ABLIM2: variants seen among roughly 807,000 people sequenced by gnomAD.
The protein encoded by ABLIM2 is actin binding LIM protein family member 2, also known as actin-binding LIM protein 2.
ABLIM2 carries 53 observed loss-of-function variants against 97.7 expected under a neutral mutation model. That is an observed-to-expected ratio of 0.54 (90% CI 0.44 to 0.68). The LOEUF (loss-of-function observed/expected upper bound fraction) is 0.68. Among genes scored for constraint, ABLIM2 ranks in the 30% least tolerant of loss-of-function variants. ABLIM2 has a pLI of 0.00. For missense variants in ABLIM2, 835 were observed against 867.2 expected, an observed-to-expected ratio of 0.96 and a Z score of 0.47; for synonymous variants, 361 against 345.8, an observed-to-expected ratio of 1.04 and a Z score of -0.49.
chr4:8,105,724 T>C (rs571168593), intron 2 of ABLIM2, among the ~76,000 whole-genome samples: 68 of 152,232 alleles, frequency 4.5e-4, no homozygotes, highest in Admixed American at 1.1e-3. Flanking sequence ...GTGTCCTTAA[T>C]GTGATTCCTT....
intron 2 of ABLIM2, among the ~76,000 whole-genome samples, chr4:8,101,640 T>G (rs1834696794): frequency 6.6e-6 from 1 of 152,174 alleles, no homozygotes; most frequent in Non-Finnish European, 1.5e-5. Context: ...CTGCCTGTTT[T>G]CTTGGCTCTT....
chr4:8,033,539 G>A lies in ABLIM2; in HGVS notation c.1047+2610C>T, dbSNP rs1427134435. The stretch of plus-strand genomic sequence containing the variant: ...CCCAGGAGCCCAGCCCTGTCCACCT[G>A]CCGAGGCAGGCCCCATGGGGTCGCA... On this transcript the variant is annotated intron_variant, in intron 10 of 20. Transcript: ENST00000447017. The surrounding 1 kb of genome is among the most constrained non-coding windows in gnomAD (Gnocchi z 4.5). 6.6e-6 allele frequency among the ~76,000 whole-genome samples: 1 copy of A among 152,198 alleles called. No homozygotes were observed.
intron 9 of ABLIM2, among the ~76,000 whole-genome samples, chr4:8,042,812 C>T (rs1444781332): frequency 1.4e-5 from 2 of 140,806 alleles, no homozygotes; most frequent in African/African-American, 2.7e-5. Context: ...GCACTCCAGC[C>T]TGGGCAACAA....
Position 8,127,809 on chromosome 4 carries a change from T to C in ABLIM2, c.11-21172A>G, listed in dbSNP as rs1578400388. ...ACTATGCGCCAGAGACACACCTGTCTCCCAGGCATCCGGGAAAGGGGCTCT... is the reference window on the plus strand; with the variant it reads ...ACTATGCGCCAGAGACACACCTGTCCCCCAGGCATCCGGGAAAGGGGCTCT... On this transcript the variant is annotated intron_variant, in intron 1 of 20. Transcript: ENST00000447017. The surrounding 1 kb of genome is among the most constrained non-coding windows in gnomAD (Gnocchi z 7.3). 2.8e-6 allele frequency: 2 copies of C among 716,254 alleles called. No individual in the cohort carries two copies. Among genetic ancestry groups the C allele is most frequent in the Non-Finnish European group, 3.3e-6 (2 of 597,312 alleles). 44.4% of individuals were successfully genotyped at this position (716,254 alleles called of 1,614,324 possible).
At chr4:8,089,735 A>C (rs1345375582) in intron 3 of ABLIM2, among the ~76,000 whole-genome samples, 1 of 48,654 alleles carries the variant, frequency 2.1e-5, no homozygotes, top group African/African-American at 1.4e-4. Context: ...TTCATATCAA[A>C]AAAAAAAAAA....
In ABLIM2 at chr4:8,072,078, G is replaced by A. The variant is rs1812600872; in HGVS notation, c.675+5550C>T. The A allele has an allele frequency of 1.1e-5, 11 of 985,102 alleles. No individual in the cohort carries two copies. Among genetic ancestry groups the A allele is most frequent in the African/African-American group, 3.5e-5 (2 of 57,228 alleles). The allele number at this position is 985,102 out of a possible 1,614,324, so 61.0% of individuals were successfully genotyped here. On this transcript the variant is annotated intron_variant, in intron 6 of 20. Transcript: ENST00000447017. The surrounding 1 kb of genome is among the most constrained non-coding windows in gnomAD (Gnocchi z 5.8). ...CAGAGCCCGCCGACTCAGCCACGCC[G>A]CCACAGACTCGCCTCCCCGGCAGAG... is the stretch of plus-strand genomic sequence containing the variant.
At chr4:7,977,922 C>T (rs959770382) in intron 20 of ABLIM2, among the ~76,000 whole-genome samples, 2 of 152,024 alleles carry the variant, frequency 1.3e-5, no homozygotes, top group Non-Finnish European at 2.9e-5. Context: ...ACAGTATGAG[C>T]CCTCTTGATC....
At chr4:8,008,404 G>A (rs368977131) in intron 15 of ABLIM2, among the ~76,000 whole-genome samples, 1 of 152,220 alleles carries the variant, frequency 6.6e-6, no homozygotes. Flanking sequence ...GGTACATGGA[G>A]CATCTGGGGG....
At chr4:7,980,941 A>ATTTTTTTTTTTTTTTTTCTTTT (rs1737720325) in intron 20 of ABLIM2, among the ~76,000 whole-genome samples, 1 of 82,988 alleles carries the variant, frequency 1.2e-5, no homozygotes, top group African/African-American at 5.5e-5. Flanking sequence ...ACAACCCCTT[A>ATTTTTTTTTTTTTTTTTCTTTT]TTTTTTTTTT....
chr4:8,152,804 G>A (rs1713506266), intron 1 of ABLIM2, among the ~76,000 whole-genome samples: 2 of 152,206 alleles, frequency 1.3e-5, no homozygotes, highest in Non-Finnish European at 2.9e-5. Flanking sequence ...GCCAGGCAGA[G>A]ACTGGTCAGC....
chr4:7,967,287 G>T (rs958350188), intron 20 of ABLIM2, among the ~76,000 whole-genome samples, 184 bp from the exon 21 acceptor site: 2 of 152,178 alleles, frequency 1.3e-5, no homozygotes, highest in African/African-American at 4.8e-5. Context: ...TGAGCTCAGA[G>T]GACAGCGACC....
rs564976113 is a variant in ABLIM2 at position 8,023,655 on chromosome 4, T to C, written c.1268-3352A>G. Among the ~76,000 whole-genome samples, 199 of 152,354 alleles carry C rather than the reference T, an allele frequency of 1.3e-3. No homozygotes were observed. Among genetic ancestry groups the C allele is most frequent in the African/African-American group, 4.1e-3 (172 of 41,584 alleles). On this transcript the variant is annotated intron_variant, in intron 12 of 20. Transcript: ENST00000447017. The surrounding 1 kb of genome is among the most constrained non-coding windows in gnomAD (Gnocchi z 5.7). Reference sequence around the variant, plus strand: ...GGAGCCACTCTGTGTAGCCCACACTTGTCCACATGTCAGGAGTGGGAGTTA... The same window carrying C: ...GGAGCCACTCTGTGTAGCCCACACTCGTCCACATGTCAGGAGTGGGAGTTA...
rs560711211 is a variant in ABLIM2 at position 8,087,725 on chromosome 4, A to G, written c.454+444T>C. The stretch of plus-strand genomic sequence containing the variant: ...GCATTAGATGGGAAAGCAGCAGTGG[A>G]CATTAGATGGGAAAGCAGCAGTGGG... On this transcript the variant is annotated intron_variant, in intron 4 of 20. Transcript: ENST00000447017. The surrounding 1 kb of genome is among the most constrained non-coding windows in gnomAD (Gnocchi z 4.6). Among the ~76,000 whole-genome samples, 5 of 151,258 alleles carry G rather than the reference A, an allele frequency of 3.3e-5. 1 individual carries two copies. The highest frequency in any genetic ancestry group is 2.0e-4 in the Admixed American group (3 of 15,174).
Position 8,082,362 on chromosome 4 carries a change from T to G in ABLIM2, c.455-1560A>C, listed in dbSNP as rs1341385664. Among the ~76,000 whole-genome samples the G allele has an allele frequency of 1.3e-5, 2 of 152,196 alleles. No homozygotes were observed. Among genetic ancestry groups the G allele is most frequent in the African/African-American group, 4.8e-5 (2 of 41,444 alleles). ...GGTGATCACCTCCTCACTTGGTGCCTGCCCGGATCCAGTGCTAATTTACAC... is the reference window on the plus strand; with the variant it reads ...GGTGATCACCTCCTCACTTGGTGCCGGCCCGGATCCAGTGCTAATTTACAC... On this transcript the variant is annotated intron_variant, in intron 4 of 20. Transcript: ENST00000447017. The surrounding 1 kb of genome is among the most constrained non-coding windows in gnomAD (Gnocchi z 5.6).
intron 6 of ABLIM2, among the ~76,000 whole-genome samples, chr4:8,070,086 C>T (rs11735563): frequency 0.13 from 19,308 of 151,544 alleles, 1,473 homozygotes; most frequent in Middle Eastern, 0.21. Context: ...TCATCTGTGT[C>T]TTTCTGTGTG....
rs34049746 is a variant in ABLIM2, at chr4:8,080,745, T to C, written c.512A>G (p.Lys171Arg). The stretch of plus-strand genomic sequence containing the variant: ...CTTAAAACAGCCCAAGTGCCAGTGC[T>C]TGTCCAAGGCTACCAGGGCCTGGCC... ...KNGQALVALD[K>R]HWHLGCFKCK... The change falls in exon 5 of 21, where the codon AAG (lysine) becomes AGG (arginine). Residue 171 changes from lysine to arginine, a missense_variant. Transcript: ENST00000447017. 9.0e-4 allele frequency: 1,452 copies of C among 1,612,914 alleles called. 1 individual carries two copies. The highest frequency in any genetic ancestry group is 1.1e-3 in the Admixed American group (69 of 60,010).
intron 1 of ABLIM2, among the ~76,000 whole-genome samples, chr4:8,138,278 A>G (rs2152940809): frequency 6.6e-6 from 1 of 152,360 alleles, no homozygotes; most frequent in East Asian, 1.9e-4. Context: ...GAATGGACTT[A>G]ATGTCACTGA....
Position 8,142,265 on chromosome 4 carries a change from G to A in ABLIM2, c.10+16415C>T, listed in dbSNP as rs558638358. On this transcript the variant is annotated intron_variant, in intron 1 of 20. Transcript: ENST00000447017. ...CTCTATGGCACTGACCCCCACTGCT[G>A]TAACTGCCTGCTCCCAGCTGGTCTC... is the stretch of plus-strand genomic sequence containing the variant. Among the ~76,000 whole-genome samples, 147 of 152,272 alleles carry A rather than the reference G, an allele frequency of 9.7e-4. 2 individuals are homozygous for A. Among genetic ancestry groups the A allele is most frequent in the Non-Finnish European group, 7.1e-4 (48 of 68,018 alleles).
chr4:7,993,835 G>T (rs926705754), intron 16 of ABLIM2: 2 of 457,008 alleles, frequency 4.4e-6, no homozygotes, highest in East Asian at 1.4e-4. Context: ...GTCAGGAGGG[G>T]GCAGCCTTTC....
Sources: allele counts gnomAD v4.1 joint callset (sites outside exome capture counted in the v4.1 genomes callset), GRCh38; gene constraint gnomAD v4.1.1; non-coding constraint Gnocchi (gnomAD v3.1); transcripts MANE v1.5; gene names NCBI Gene and HGNC (gene_info 2026-07-23, HGNC 2026-07-21).